The following ASB3 variants were observed in gnomAD, a reference collection of about 807,000 sequenced individuals.
The protein encoded by ASB3 is ankyrin repeat and SOCS box containing 3.
ASB3 carries 41 observed loss-of-function variants against 54.5 expected under a neutral mutation model. The ratio of observed to expected loss-of-function variants is 0.75; its 90% CI spans 0.59 to 0.98. The LOEUF is 0.98. Ranked by LOEUF, ASB3 falls within the 50% of genes least tolerant of loss-of-function variation. The pLI, the probability that ASB3 is intolerant of heterozygous loss-of-function variation, is 0.00. For synonymous variants in ASB3, 266 were observed against 221.2 expected (o/e 1.20, Z -1.80); for missense variants, 733 against 620.0 (o/e 1.18, Z -1.94).
At chr2:53,721,813 AGCT>A (rs1670727154) in intron 5 of ASB3, among the ~76,000 whole-genome samples, 1 of 152,132 alleles carries the variant, frequency 6.6e-6, no homozygotes, top group Non-Finnish European at 1.5e-5. Flanking sequence ...CTAACCCCAA[AGCT>A]ATTAGAAGAA....
chr2:53,733,892 T>A (rs1035245323), intron 3 of ASB3, among the ~76,000 whole-genome samples: 1 of 152,242 alleles, frequency 6.6e-6, no homozygotes, highest in Non-Finnish European at 1.5e-5. Flanking sequence ...TGATAAGCAT[T>A]GTTTCTACAG....
At chr2:53,750,753 T>G in intron 3 of ASB3, 30 bp downstream of exon 3, 1 of 1,448,250 alleles carries the variant, frequency 6.9e-7, no homozygotes, top group Non-Finnish European at 9.1e-7. Context: ...TGATGAAAAA[T>G]TGCATCTGCA....
rs552909884 is a variant in ASB3, at chr2:53,748,805, C to T, written c.355+1978G>A. 5.9e-5 allele frequency among the ~76,000 whole-genome samples: 9 copies of T among 152,144 alleles called. No homozygotes were observed. In the South Asian group the frequency reaches 1.9e-3, roughly 32 times the overall value. On this transcript the variant is annotated intron_variant, in intron 3 of 9. Coordinates refer to ENST00000263634, the MANE Select transcript of ASB3 (RefSeq NM_016115.5). ...CAAGTGATCTTGGATTCATCACGGA[C>T]CAAAATCTTTTTTTCTGTTGCTATA... is the stretch of plus-strand genomic sequence containing the variant.
chr2:53,697,979 C>G (rs1272143481), intron 8 of ASB3, among the ~76,000 whole-genome samples: 1 of 152,212 alleles, frequency 6.6e-6, no homozygotes, highest in African/African-American at 2.4e-5. Flanking sequence ...TCCCATGGGT[C>G]CTCTAGGCAT....
chr2:53,763,498 T>C (rs1673263403), intron 2 of ASB3: 1 of 169,424 alleles, frequency 5.9e-6, no homozygotes. Context: ...TATGTGTGTA[T>C]AGGACGTTTT....
At chr2:53,721,398 CAAAA>C (rs1195017138) in intron 5 of ASB3, among the ~76,000 whole-genome samples, 1 of 87,388 alleles carries the variant, frequency 1.1e-5, no homozygotes, top group Non-Finnish European at 2.3e-5. Context: ...TACTAAACTA[CAAAA>C]AAAAAAAAAA....
In ASB3 at chr2:53,714,572, G is replaced by C; in HGVS notation, c.792C>G (p.Asp264Glu). 1 of 1,613,772 alleles carries C rather than the reference G, an allele frequency of 6.2e-7. No homozygotes were observed. Among genetic ancestry groups the C allele is most frequent in the Non-Finnish European group, 8.5e-7 (1 of 1,179,906 alleles). Residue 264 changes from aspartate (D) to glutamate (E), a missense_variant, in exon 7 of 10, where the codon GAC (aspartate) becomes GAG (glutamate). Transcript: ENST00000263634. ...AAQMGHTKIL[D>E]LLIPLTNRAC... The stretch of plus-strand genomic sequence containing the variant: ...CCCGGTTAGTAAGTGGTATTAACAA[G>C]TCCAAGATTCTATAAATACACAAAT...
At chr2:53,707,646 CA>C (rs760618822) in intron 7 of ASB3, among the ~76,000 whole-genome samples, 220 of 114,302 alleles carry the variant, frequency 1.9e-3, no homozygotes, top group Admixed American at 2.4e-3. Context: ...GACTCCGTCT[CA>C]AAAAAAAAAA....
intron 7 of ASB3, among the ~76,000 whole-genome samples, chr2:53,703,919 A>G (rs1669625045): frequency 6.6e-6 from 1 of 152,220 alleles, no homozygotes; most frequent in African/African-American, 2.4e-5. Context: ...TAAACTTACT[A>G]TCTATTACCA....
chr2:53,726,091 A>G (rs1670976277), intron 5 of ASB3, among the ~76,000 whole-genome samples: 1 of 152,162 alleles, frequency 6.6e-6, no homozygotes, highest in Admixed American at 6.5e-5. Context: ...TAGTTACATG[A>G]TAAACATACC....
chr2:53,757,850 T>A (rs1182887416), intron 2 of ASB3, among the ~76,000 whole-genome samples: 1 of 152,166 alleles, frequency 6.6e-6, no homozygotes, highest in African/African-American at 2.4e-5. Context: ...CTCCCCTGAT[T>A]TTTACCCAGC....
chr2:53,710,579 G>C (rs1372738514), intron 7 of ASB3, among the ~76,000 whole-genome samples: 2 of 152,214 alleles, frequency 1.3e-5, no homozygotes, highest in Admixed American at 1.3e-4. Context: ...CATTGTGAAT[G>C]TTATGCTGTA....
At chr2:53,744,571 C>T (rs1306959519) in intron 3 of ASB3, among the ~76,000 whole-genome samples, 1 of 151,966 alleles carries the variant, frequency 6.6e-6, no homozygotes, top group African/African-American at 2.4e-5. Context: ...TTTTAAAGAA[C>T]ATGTCCTCAA....
chr2:53,761,667 T>A (rs938455284), intron 2 of ASB3, among the ~76,000 whole-genome samples: 4 of 152,214 alleles, frequency 2.6e-5, no homozygotes, highest in African/African-American at 7.2e-5. Flanking sequence ...TGGTTCTCCA[T>A]CTTACAGAGA....
intron 3 of ASB3, among the ~76,000 whole-genome samples, chr2:53,742,448 C>CA (rs1454110980): frequency 6.6e-6 from 1 of 151,872 alleles, no homozygotes; most frequent in African/African-American, 2.4e-5. Context: ...CAAAAGAAAG[C>CA]AAAAACCTCT....
chr2:53,692,320 A>G (rs565587685), intron 9 of ASB3, among the ~76,000 whole-genome samples: 2 of 152,332 alleles, frequency 1.3e-5, no homozygotes, highest in South Asian at 2.1e-4. Context: ...TCAATTTTGC[A>G]TATGTCAAGA....
chr2:53,744,841 G>A (rs747468471), intron 3 of ASB3, among the ~76,000 whole-genome samples: 67 of 152,228 alleles, frequency 4.4e-4, no homozygotes, highest in Non-Finnish European at 8.5e-4. Flanking sequence ...TGCTATGTGA[G>A]CTGAAGTATG....
At chr2:53,760,172 T>C (rs556662178) in intron 2 of ASB3, among the ~76,000 whole-genome samples, 1 of 152,266 alleles carries the variant, frequency 6.6e-6, no homozygotes, top group South Asian at 2.1e-4. Context: ...GGGGCCGTTA[T>C]ACACTAGAAT....
chr2:53,703,590 T>G (rs892013714), intron 7 of ASB3, among the ~76,000 whole-genome samples: 3 of 152,056 alleles, frequency 2.0e-5, no homozygotes. Context: ...CAGAGTGAAA[T>G]TCTATCTCAA....
Sources: gnomAD v4.1 joint callset for allele counts (sites outside exome capture counted in the v4.1 genomes callset) on GRCh38, gnomAD v4.1.1 for gene constraint, MANE v1.5 for transcripts, NCBI Gene and HGNC (gene_info 2026-07-23, HGNC 2026-07-21) for gene names.